The following GARNL3 variants were observed in gnomAD, a reference collection of about 807,000 sequenced individuals.
GARNL3 encodes GTPase activating Rap/RanGAP domain like 3, also known as GTPase-activating Rap/Ran-GAP domain-like protein 3.
In GARNL3, 63 loss-of-function variants were observed where a neutral mutation model predicts 125.0. The ratio of observed to expected loss-of-function variants is 0.50; its 90% CI spans 0.41 to 0.62. GARNL3 has a LOEUF of 0.62. Ranked by LOEUF, GARNL3 falls within the 20% of genes least tolerant of loss-of-function variation. GARNL3 has a pLI of 0.00. For missense variants in GARNL3, 994 were observed against 1,244.0 expected (o/e 0.80, Z 3.02); for synonymous variants, 439 against 457.5 (o/e 0.96, Z 0.52).
At chr9:127,355,821 G>T (rs755764105) in intron 20 of GARNL3, among the ~76,000 whole-genome samples, 3 of 152,220 alleles carry the variant, frequency 2.0e-5, no homozygotes, top group Admixed American at 6.5e-5. Flanking sequence ...GAGGGCCAGG[G>T]AACAAAGGAT....
intron 2 of GARNL3, among the ~76,000 whole-genome samples, chr9:127,302,454 C>G (rs2064828233): frequency 6.6e-6 from 1 of 152,108 alleles, no homozygotes; most frequent in Admixed American, 6.6e-5. Context: ...TCCATTTACA[C>G]AATGAACTGG....
intron 5 of GARNL3, among the ~76,000 whole-genome samples, chr9:127,320,332 CGTT>C (rs1172299724): frequency 6.6e-6 from 1 of 152,194 alleles, no homozygotes; most frequent in Non-Finnish European, 1.5e-5. Flanking sequence ...AGGGAATTTA[CGTT>C]GCTTGTCCAA....
chr9:127,370,029 T>C (rs1564187728), intron 22 of GARNL3, among the ~76,000 whole-genome samples: 1 of 152,186 alleles, frequency 6.6e-6, no homozygotes, highest in Non-Finnish European at 1.5e-5. Context: ...GGAGCATTTG[T>C]TCTCTCGGGA....
chr9:127,263,246 C>G (rs2063629190), upstream of GARNL3, among the ~76,000 whole-genome samples: 1 of 152,196 alleles, frequency 6.6e-6, no homozygotes, highest in African/African-American at 2.4e-5. Context: ...TGTCTCAGAA[C>G]CCCCTCAGCA....
At chr9:127,226,967 A>G (rs1356544368) in intron 1 of GARNL3, among the ~76,000 whole-genome samples, 1 of 152,234 alleles carries the variant, frequency 6.6e-6, no homozygotes, top group Non-Finnish European at 1.5e-5. Flanking sequence ...ATGGAAACCT[A>G]TAATCCATGC....
intron 2 of GARNL3, among the ~76,000 whole-genome samples, chr9:127,297,147 T>A (rs1330252108): frequency 6.6e-6 from 1 of 152,220 alleles, no homozygotes; most frequent in Non-Finnish European, 1.5e-5. Flanking sequence ...TTTTCTTTTC[T>A]TTTTTGAGAC....
At chr9:127,354,123 G>A (rs985154531) in intron 18 of GARNL3, among the ~76,000 whole-genome samples, 171 bp from the exon 19 acceptor site, 1 of 152,158 alleles carries the variant, frequency 6.6e-6, no homozygotes, top group Non-Finnish European at 1.5e-5. Context: ...AAGCCGTTGG[G>A]GGAAAGGGGT....
At chr9:127,253,368 C>T (rs1302108479) in intron 2 of GARNL3, among the ~76,000 whole-genome samples, 2 of 152,176 alleles carry the variant, frequency 1.3e-5, no homozygotes, top group African/African-American at 4.8e-5. Context: ...TTTTATATGG[C>T]CCCAAAGGAC....
At chr9:127,249,341 T>C (rs2063360061) in intron 2 of GARNL3, among the ~76,000 whole-genome samples, 2 of 152,116 alleles carry the variant, frequency 1.3e-5, no homozygotes, top group Non-Finnish European at 2.9e-5. Flanking sequence ...CCCAGCACTT[T>C]GGGAGGCTGA....
intron 1 of GARNL3, among the ~76,000 whole-genome samples, chr9:127,275,995 G>A (rs181288752): frequency 3.2e-4 from 48 of 152,234 alleles, no homozygotes; most frequent in African/African-American, 1.1e-3. Context: ...TTTGCTCCTT[G>A]TAATGGTTCC....
Position 127,324,953 on chromosome 9 carries a change from T to C in GARNL3, c.568-116T>C, listed in dbSNP as rs955288846. On this transcript the variant is annotated intron_variant, in intron 6 of 27. Transcript: ENST00000373387. ...CAAACAAAGCTCCTATAACCAACTTTTAAAATTATTTTCAAAATGTCAGTG... is the reference window on the plus strand; with the variant it reads ...CAAACAAAGCTCCTATAACCAACTTCTAAAATTATTTTCAAAATGTCAGTG... The C allele has an allele frequency of 2.3e-5, 25 of 1,094,978 alleles. 1 individual carries two copies. Among genetic ancestry groups the C allele is most frequent in the Middle Eastern group, 2.7e-4 (1 of 3,748 alleles). 67.8% of individuals were successfully genotyped at this position (1,094,978 alleles called of 1,614,324 possible). A position where few individuals can be genotyped will look rare whatever the true frequency, so the allele number is the denominator to read the frequency against.
At chr9:127,324,015 T>A (rs2065485967) in intron 6 of GARNL3, among the ~76,000 whole-genome samples, 1 of 152,138 alleles carries the variant, frequency 6.6e-6, no homozygotes, top group Admixed American at 6.5e-5. Context: ...TTTGGGAGGC[T>A]GAAGCAGGAG....
intron 22 of GARNL3, 45 bp downstream of exon 22, chr9:127,365,411 G>GT: frequency 1.5e-6 from 2 of 1,358,306 alleles, no homozygotes; most frequent in Admixed American, 1.9e-5. Context: ...TAAATGGACT[G>GT]CTTTTTTTTT....
chr9:127,313,463 C>T lies in GARNL3; in HGVS notation c.342C>T (p.Asn114=), dbSNP rs1001501053. 1.5e-5 allele frequency: 24 copies of T among 1,613,746 alleles called. No individual in the cohort carries two copies. The highest frequency in any genetic ancestry group is 6.7e-5 in the East Asian group (3 of 44,878). Residue 114 remains asparagine, a synonymous_variant, in exon 4 of 28, where the codon AAC becomes AAT. Coordinates refer to ENST00000373387, the MANE Select transcript of GARNL3 (RefSeq NM_032293.5). The part of the protein sequence containing the change: ...LGQVHQNYIG[N]DAEKSPFFLS... ...CAGTCCATCAGAACTACATTGGAAA[C>T]GATGCCGAGAAGAGCCCTTTCTTCT...
At chr9:127,244,537 G>A (rs776977134) in intron 2 of GARNL3, among the ~76,000 whole-genome samples, 3 of 152,140 alleles carry the variant, frequency 2.0e-5, no homozygotes, top group Non-Finnish European at 4.4e-5. Context: ...ATAAGAACTC[G>A]TATTTTTACA....
intron 17 of GARNL3, among the ~76,000 whole-genome samples, chr9:127,351,997 T>C (rs912098270): frequency 6.6e-6 from 1 of 152,234 alleles, no homozygotes; most frequent in Non-Finnish European, 1.5e-5. Context: ...GATTAAGTGC[T>C]AATTCACTCT....
chr9:127,342,087 GA>G (rs985133062), intron 13 of GARNL3, 131 bp from the exon 14 acceptor site: 2 of 658,500 alleles, frequency 3.0e-6, no homozygotes. Context: ...GTACTAAGCA[GA>G]AAAAAAACCT....
chr9:127,247,617 CT>C (rs1023067413), intron 2 of GARNL3, among the ~76,000 whole-genome samples: 8 of 151,822 alleles, frequency 5.3e-5, no homozygotes, highest in African/African-American at 1.2e-4. Context: ...ATTTTTTTAC[CT>C]TTTTTTTATT....
intron 5 of GARNL3, 140 bp from the exon 6 acceptor site, chr9:127,320,575 A>G: frequency 1.6e-6 from 1 of 607,880 alleles, no homozygotes; most frequent in South Asian, 2.2e-5. Flanking sequence ...GGTTACTTTC[A>G]TCTGTTTGTT....
Sources: gnomAD v4.1 joint callset for allele counts (sites outside exome capture counted in the v4.1 genomes callset) on GRCh38, gnomAD v4.1.1 for gene constraint, MANE v1.5 for transcripts, NCBI Gene and HGNC (gene_info 2026-07-23, HGNC 2026-07-21) for gene names.